Variants in ASB1 observed in about 807,000 individuals in gnomAD.
ASB1 encodes the protein ankyrin repeat and SOCS box protein 1.
In ASB1, 18 loss-of-function variants were observed where a neutral mutation model predicts 27.7. The observed-to-expected ratio is 0.65, with a 90% CI of 0.45 to 0.96. The LOEUF (loss-of-function observed/expected upper bound fraction) is 0.96, where lower values mean the gene tolerates loss of function less well. Among genes scored for constraint, ASB1 ranks in the 50% least tolerant of loss-of-function variants. The pLI is 0.00. For synonymous variants in ASB1, 189 were observed against 187.6 expected (o/e 1.01, Z -0.06); for missense variants, 397 against 451.7 (o/e 0.88, Z 1.10).
chr2:238,435,392 A>C (rs1701948094), intron 2 of ASB1: 2 of 339,062 alleles, frequency 5.9e-6, no homozygotes, highest in Non-Finnish European at 1.1e-5. Context: ...CCTCCCAGGC[A>C]GACCCTTCCC....
At chr2:238,444,750 T>C (rs760085762) in intron 4 of ASB1, 23 bp downstream of exon 4, 9 of 1,574,260 alleles carry the variant, frequency 5.7e-6, no homozygotes, top group Non-Finnish European at 7.8e-6. Context: ...AGTTCAGCTC[T>C]GACTTGTGGG....
intron 1 of ASB1, among the ~76,000 whole-genome samples, chr2:238,432,295 G>C (rs1484616353): frequency 6.6e-6 from 1 of 152,128 alleles, no homozygotes; most frequent in Non-Finnish European, 1.5e-5. Context: ...CCAAAGAAAT[G>C]GGTCACGCTT....
At chr2:238,442,657 T>G (rs921495222) in intron 3 of ASB1, among the ~76,000 whole-genome samples, 2 of 152,238 alleles carry the variant, frequency 1.3e-5, no homozygotes, top group African/African-American at 4.8e-5. Context: ...GGTTTTTTTC[T>G]AGTTTTTGCA....
intron 3 of ASB1, among the ~76,000 whole-genome samples, chr2:238,441,400 G>A (rs958419380): frequency 7.2e-5 from 11 of 152,120 alleles, no homozygotes; most frequent in South Asian, 2.1e-4. Flanking sequence ...CTCCTGAAGC[G>A]CTGGGATTAC....
At chr2:238,442,211 C>T (rs1442574751) in intron 3 of ASB1, among the ~76,000 whole-genome samples, 7 of 151,832 alleles carry the variant, frequency 4.6e-5, no homozygotes, top group Non-Finnish European at 1.0e-4. Context: ...CTCCGCCTCC[C>T]GGGTTGAAGC....
intron 3 of ASB1, among the ~76,000 whole-genome samples, chr2:238,442,891 A>C (rs6748424): frequency 0.16 from 24,186 of 152,126 alleles, 3,729 homozygotes; most frequent in African/African-American, 0.4. Flanking sequence ...GTAAAGTTCC[A>C]TCATTCTGTC....
intron 3 of ASB1, among the ~76,000 whole-genome samples, chr2:238,440,891 G>A (rs1702065864): frequency 6.6e-6 from 1 of 152,182 alleles, no homozygotes; most frequent in Non-Finnish European, 1.5e-5. Context: ...AGGAGGGGCG[G>A]CCTAGGGGTT....
Position 238,444,549 on chromosome 2 carries a change from C to T in ASB1, c.702C>T (p.Gly234=), listed in dbSNP as rs548819329. The T allele has an allele frequency of 6.2e-7, 1 of 1,614,218 alleles. No individual in the cohort carries two copies. Among genetic ancestry groups the T allele is most frequent in the South Asian group, 1.1e-5 (1 of 91,088 alleles). Residue 234 remains glycine (G), a synonymous_variant, in exon 4 of 5, where the codon GGC becomes GGT. Transcript: ENST00000264607. ...GPVNTQGFYR[G]SPGCVMDAVL... ...TCAACACACAGGGATTCTACAGGGG[C>T]TCCCCTGGGTGCGTCATGGATGCTG...
Position 238,447,993 on chromosome 2 carries a change from G to A in ASB1, c.*1482G>A, listed in dbSNP as rs1244236288. On this transcript the variant is annotated 3_prime_UTR_variant, in exon 5 of 5. Transcript: ENST00000264607. ...AGATGCAGTTCCGAAGGGAAGAACAGTCCTCGGGTGATTCAGAGGGGAAAA... is the reference window on the plus strand; with the variant it reads ...AGATGCAGTTCCGAAGGGAAGAACAATCCTCGGGTGATTCAGAGGGGAAAA... The A allele has an allele frequency of 6.6e-6, 1 of 152,352 alleles. No homozygotes were observed. The highest frequency in any genetic ancestry group is 2.4e-5 in the African/African-American group (1 of 41,474). The allele number at this position is 152,352 out of a possible 1,614,324, so 9.4% of individuals were successfully genotyped here.
Position 238,451,062 on chromosome 2 carries a change from AACGCTCCAAACCCGAACCTCTCAGTGTGG to A in ASB1, c.*4553_*4581del, listed in dbSNP as rs1702274260. On this transcript the variant is annotated 3_prime_UTR_variant, in exon 5 of 5. Coordinates refer to ENST00000264607, the MANE Select transcript of ASB1 (RefSeq NM_001040445.3). Reference sequence around the variant, plus strand: ...AACCCGAACCTCTCAGTGTGGAATGAACGCTCCAAACCCGAACCTCTCAGTGTGGAATGAAACAGTTTAGATGTGTACAT... The same window carrying A: ...AACCCGAACCTCTCAGTGTGGAATGAAATGAAACAGTTTAGATGTGTACAT... 1 of 151,380 alleles carries A rather than the reference AACGCTCCAAACCCGAACCTCTCAGTGTGG, an allele frequency of 6.6e-6. No homozygotes were observed. Among genetic ancestry groups the A allele is most frequent in the African/African-American group, 2.4e-5 (1 of 41,198 alleles). 9.4% of individuals were successfully genotyped at this position (151,380 alleles called of 1,614,324 possible). A position where few individuals can be genotyped will look rare whatever the true frequency, so the allele number is the denominator to read the frequency against.
At chr2:238,443,232 G>A (rs1702112501) in intron 3 of ASB1, among the ~76,000 whole-genome samples, 1 of 152,018 alleles carries the variant, frequency 6.6e-6, no homozygotes, top group Admixed American at 6.6e-5. Flanking sequence ...TTAAGTAGTA[G>A]TTTATCATTT....
intron 3 of ASB1, among the ~76,000 whole-genome samples, chr2:238,441,431 G>A (rs1048903080): frequency 1.3e-5 from 2 of 152,088 alleles, no homozygotes; most frequent in African/African-American, 4.8e-5. Flanking sequence ...CACCGCGCTT[G>A]GCCAAGGTAT....
chr2:238,441,635 G>A (rs930518557), intron 3 of ASB1, among the ~76,000 whole-genome samples: 4 of 152,190 alleles, frequency 2.6e-5, no homozygotes, highest in African/African-American at 7.2e-5. Context: ...AGGCTGCTCC[G>A]GAGCAGTGTA....
At chr2:238,427,739 C>T (rs1413633274) in intron 1 of ASB1, 2 of 152,268 alleles carry the variant, frequency 1.3e-5, no homozygotes, top group African/African-American at 2.4e-5. Flanking sequence ...TTGCAGTGTC[C>T]CTACCATGCA....
At chr2:238,437,675 A>G (rs1701999431) in intron 3 of ASB1, among the ~76,000 whole-genome samples, 1 of 150,934 alleles carries the variant, frequency 6.6e-6, no homozygotes, top group Admixed American at 6.6e-5. Flanking sequence ...ATTGCTCTGC[A>G]TTTGGACAGG....
chr2:238,450,066 C>T lies in ASB1; in HGVS notation c.*3555C>T, dbSNP rs568454773. On this transcript the variant is annotated 3_prime_UTR_variant, in exon 5 of 5. Coordinates refer to ENST00000264607, the MANE Select transcript of ASB1 (RefSeq NM_001040445.3). Reference sequence around the variant, plus strand: ...GGGTCACATGGGAAGCAATGTGTTACGCAAGCAGTCTCCATGTGTGTGTAA... The same window carrying T: ...GGGTCACATGGGAAGCAATGTGTTATGCAAGCAGTCTCCATGTGTGTGTAA... 1.7e-3 allele frequency: 264 copies of T among 152,372 alleles called. 1 individual carries two copies. Among genetic ancestry groups the T allele is most frequent in the African/African-American group, 6.0e-3 (248 of 41,570 alleles). The allele number at this position is 152,372 out of a possible 1,614,324, so 9.4% of individuals were successfully genotyped here.
Position 238,446,445 on chromosome 2 carries a change from C to A in ASB1, c.942C>A (p.His314Gln), listed in dbSNP as rs914313438. 2 of 1,613,970 alleles carry A rather than the reference C, an allele frequency of 1.2e-6. No individual in the cohort carries two copies. Among genetic ancestry groups the A allele is most frequent in the African/African-American group, 2.7e-5 (2 of 74,932 alleles). ...RVAVRRALGK[H>Q]RLHLIPSLPL... ...CTGTGAGAAGAGCTCTTGGCAAACA[C>A]CGGCTTCATCTGATTCCTTCGCTGC... The change falls in exon 5 of 5, where the codon CAC (histidine) becomes CAA (glutamine). Residue 314 changes from histidine to glutamine, a missense_variant. Coordinates refer to ENST00000264607, the MANE Select transcript of ASB1 (RefSeq NM_001040445.3).
At chr2:238,431,444 C>G (rs998310671) in intron 1 of ASB1, among the ~76,000 whole-genome samples, 1 of 152,210 alleles carries the variant, frequency 6.6e-6, no homozygotes, top group Non-Finnish European at 1.5e-5. Context: ...CAGATTTCCT[C>G]TATATCAGCA....
chr2:238,445,286 T>A (rs1202783803), intron 4 of ASB1, among the ~76,000 whole-genome samples: 1 of 152,164 alleles, frequency 6.6e-6, no homozygotes, highest in East Asian at 1.9e-4. Context: ...CCTAGAGTTA[T>A]ATTCTCTTTA....
Sources: gnomAD v4.1 joint callset for allele counts (sites outside exome capture counted in the v4.1 genomes callset) on GRCh38, gnomAD v4.1.1 for gene constraint, MANE v1.5 for transcripts, NCBI Gene and HGNC (gene_info 2026-07-23, HGNC 2026-07-21) for gene names.